Variants in SORL1 observed in about 807,000 individuals in gnomAD.
The protein encoded by SORL1 is sortilin related receptor 1.
SORL1 carries 127 observed loss-of-function variants against 273.7 expected under a neutral mutation model. The ratio of observed to expected loss-of-function variants is 0.46; its 90% CI spans 0.40 to 0.54. The LOEUF (loss-of-function observed/expected upper bound fraction) is 0.54, where lower values mean the gene tolerates loss of function less well. SORL1 is among the 20% of genes least tolerant of loss of function. SORL1 has a pLI of 0.00. For missense variants in SORL1, 2,494 were observed against 2,846.1 expected (o/e 0.88, Z 2.81); for synonymous variants, 1,031 against 1,067.4 (o/e 0.97, Z 0.66).
intron 2 of SORL1, among the ~76,000 whole-genome samples, chr11:121,474,339 G>T (rs1455814266): frequency 6.6e-6 from 1 of 152,102 alleles, no homozygotes; most frequent in African/African-American, 2.4e-5. Context: ...GGGCAGGTAG[G>T]GGGCGGAGAG....
chr11:121,577,241 G>A (rs760999343), intron 24 of SORL1, 40 bp from the exon 25 acceptor site: 5 of 1,547,688 alleles, frequency 3.2e-6, no homozygotes, highest in African/African-American at 1.4e-5. Context: ...TTCTGAACAA[G>A]CTTTTGTCCT....
At chr11:121,499,811 G>A (rs931186539) in intron 6 of SORL1, among the ~76,000 whole-genome samples, 5 of 152,198 alleles carry the variant, frequency 3.3e-5, no homozygotes, top group African/African-American at 1.2e-4. Context: ...AGTGTTAAAT[G>A]AATTCAAATC....
chr11:121,629,236 A>C (rs1355757025), intron 47 of SORL1: 1 of 479,372 alleles, frequency 2.1e-6, no homozygotes, highest in Non-Finnish European at 3.7e-6. Context: ...TCTCCTGAGA[A>C]GCTTTGTTTT....
intron 24 of SORL1, among the ~76,000 whole-genome samples, chr11:121,575,421 G>A (rs1328225699): frequency 6.6e-6 from 1 of 152,274 alleles, no homozygotes; most frequent in Non-Finnish European, 1.5e-5. Flanking sequence ...CAGACGTGGT[G>A]ATGAGTTGGC....
At chr11:121,539,641 A>G (rs548619526) in intron 12 of SORL1, among the ~76,000 whole-genome samples, 1 of 152,166 alleles carries the variant, frequency 6.6e-6, no homozygotes, top group African/African-American at 2.4e-5. Flanking sequence ...CAGCTTTACT[A>G]CTATGTTGTT....
intron 23 of SORL1, among the ~76,000 whole-genome samples, chr11:121,572,964 C>T (rs1255687540): frequency 6.6e-6 from 1 of 152,204 alleles, no homozygotes; most frequent in African/African-American, 2.4e-5. Context: ...CTCCCCCGTG[C>T]CAGCATTCTG....
rs772461045 is a variant in SORL1, at chr11:121,520,734, A to G, written c.1289A>G (p.Asn430Ser). The change falls in exon 9 of 48, where the codon AAT (asparagine) becomes AGT (serine). Residue 430 changes from asparagine (N) to serine (S), a missense_variant. Around this residue, in one of 3 missense-constraint regions of SORL1, gnomAD observed 710 missense variants for 882.5 expected, o/e 0.80. Coordinates refer to ENST00000260197, the MANE Select transcript of SORL1 (RefSeq NM_003105.6). Reference protein sequence around the residue: ...LQGVYIATLINGSMNEENMRS... With the variant: ...LQGVYIATLISGSMNEENMRS... ...GGAGTCTACATTGCTACTCTGATTA[A>G]TGGTTCTATGAATGAGGAGAACATG... is the stretch of plus-strand genomic sequence containing the variant. 2.5e-6 allele frequency: 4 copies of G among 1,612,558 alleles called. No individual in the cohort carries two copies. Among genetic ancestry groups the G allele is most frequent in the South Asian group, 2.2e-5 (2 of 90,640 alleles).
intron 8 of SORL1, 109 bp downstream of exon 8, chr11:121,514,430 G>A (rs2134846909): frequency 9.0e-7 from 1 of 1,113,830 alleles, no homozygotes; most frequent in East Asian, 2.6e-5. Flanking sequence ...TACACCCGGG[G>A]AGCTTTCGGA....
chr11:121,621,205 A>T lies in SORL1; in HGVS notation c.6031A>T (p.Met2011Leu), dbSNP rs751445515. 6.2e-7 allele frequency: 1 copy of T among 1,614,036 alleles called. No homozygotes were observed. Among genetic ancestry groups the T allele is most frequent in the African/African-American group, 1.3e-5 (1 of 74,940 alleles). The part of the protein sequence containing the change: ...KYHIIVQLGN[M>L]SKDSSIKITT... ...CCACATCATTGTCCAACTGGGGAAC[A>T]TGAGCAAAGATTCCAGCATAAAAAT... Residue 2011 changes from methionine to leucine, a missense_variant, in exon 44 of 48, where the codon ATG (methionine) becomes TTG (leucine). By Grantham distance (15) the Met-to-Leu change is conservative. Around this residue, in one of 3 missense-constraint regions of SORL1, gnomAD observed 1,609 missense variants for 1,816.4 expected, o/e 0.89. Transcript: ENST00000260197.
Position 121,572,719 on chromosome 11 carries a change from G to A in SORL1, c.3338-1522G>A, listed in dbSNP as rs979355963. On this transcript the variant is annotated intron_variant, in intron 23 of 47. Coordinates refer to ENST00000260197, the MANE Select transcript of SORL1 (RefSeq NM_003105.6). The stretch of plus-strand genomic sequence containing the variant: ...GGAGCAGTGGAGGAGGGGGGACACC[G>A]GGATGCAGGAGGGTGTTGTCAGTGG... Among the ~76,000 whole-genome samples, 7 of 152,092 alleles carry A rather than the reference G, an allele frequency of 4.6e-5. No homozygotes were observed. In the East Asian group the frequency reaches 9.6e-4, roughly 21 times the overall value.
At chr11:121,572,647 A>C (rs1212758205) in intron 23 of SORL1, among the ~76,000 whole-genome samples, 1 of 152,118 alleles carries the variant, frequency 6.6e-6, no homozygotes, top group Non-Finnish European at 1.5e-5. Flanking sequence ...GCAGTGACTG[A>C]GTACTGCCAT....
intron 21 of SORL1, among the ~76,000 whole-genome samples, chr11:121,562,499 C>T (rs917131781): frequency 3.3e-5 from 5 of 152,218 alleles, no homozygotes; most frequent in Non-Finnish European, 5.9e-5. Context: ...CTTGTACTGT[C>T]TCCTCCCTGT....
intron 12 of SORL1, among the ~76,000 whole-genome samples, chr11:121,535,174 T>C (rs1862250814): frequency 6.6e-6 from 1 of 152,160 alleles, no homozygotes. Context: ...CCACTGCCAC[T>C]GTGCTCCATG....
In SORL1 at chr11:121,567,051, G is replaced by C. The variant is rs766160030; in HGVS notation, c.3161G>C (p.Gly1054Ala). The change falls in exon 22 of 48, where the codon GGG becomes GCG. Residue 1054 changes from glycine to alanine, a missense_variant. Coordinates refer to ENST00000260197, the MANE Select transcript of SORL1 (RefSeq NM_003105.6). Reference sequence around the variant, plus strand: ...GTGTCCAGCAGTGTGCTTCCATCAGGGGACCTGATGTGTGACTGCCCTCAG... The same window carrying C: ...GTGTCCAGCAGTGTGCTTCCATCAGCGGACCTGATGTGTGACTGCCCTCAG... ...EDVSSSVLPS[G>A]DLMCDCPQGY... 1 of 1,614,172 alleles carries C rather than the reference G, an allele frequency of 6.2e-7. No homozygotes were observed. Among genetic ancestry groups the C allele is most frequent in the Non-Finnish European group, 8.5e-7 (1 of 1,180,006 alleles).
At position 121,592,627 on chromosome 11, in the gene SORL1, A is replaced by G. The variant is rs557604031; in HGVS notation, c.4369+1471A>G. On this transcript the variant is annotated intron_variant, in intron 31 of 47. Coordinates refer to ENST00000260197, the MANE Select transcript of SORL1 (RefSeq NM_003105.6). ...TTCATGCGTGTTGATCTTTGCTTCC[A>G]TAGCCATTGTGTGGACTTCCTGTTT... Among the ~76,000 whole-genome samples the G allele has an allele frequency of 2.6e-5, 4 of 152,302 alleles. No individual in the cohort carries two copies. The East Asian group carries it at 7.7e-4, about 29-fold the overall frequency.
chr11:121,453,261 C>T (rs1860839929), intron 1 of SORL1, among the ~76,000 whole-genome samples: 1 of 152,166 alleles, frequency 6.6e-6, no homozygotes, highest in Non-Finnish European at 1.5e-5. Context: ...GAATACCCCT[C>T]ATGGCACTTG....
intron 26 of SORL1, among the ~76,000 whole-genome samples, chr11:121,585,985 T>C (rs1055351291): frequency 4.6e-5 from 7 of 152,246 alleles, no homozygotes; most frequent in Non-Finnish European, 8.8e-5. Flanking sequence ...CTTGTACTTA[T>C]ATTAAGTACA....
intron 25 of SORL1, among the ~76,000 whole-genome samples, chr11:121,580,245 C>G (rs1355567080): frequency 6.6e-6 from 1 of 152,188 alleles, no homozygotes; most frequent in Non-Finnish European, 1.5e-5. Context: ...CTGGTCTTGT[C>G]TTCAGCAGTT....
chr11:121,463,031 T>A (rs116712403), intron 1 of SORL1, among the ~76,000 whole-genome samples: 109 of 152,280 alleles, frequency 7.2e-4, no homozygotes, highest in African/African-American at 2.6e-3. Context: ...GACTTTGGGC[T>A]CACAGGGAAA....
Sources: allele counts gnomAD v4.1 joint callset (sites outside exome capture counted in the v4.1 genomes callset), GRCh38; gene constraint gnomAD v4.1.1; regional missense constraint gnomAD v4.1.1; transcripts MANE v1.5; gene names NCBI Gene and HGNC (gene_info 2026-07-23, HGNC 2026-07-21).